STARD9: variants seen among roughly 807,000 people sequenced by gnomAD.
STARD9 encodes stAR-related lipid transfer protein 9.
STARD9 carries 346 observed loss-of-function variants against 399.8 expected under a neutral mutation model. The observed-to-expected ratio is 0.87, with a 90% confidence interval of 0.79 to 0.95. STARD9 has a LOEUF of 0.95. Ranked by LOEUF, STARD9 falls within the 40% of genes least tolerant of loss-of-function variation. The pLI, the probability that STARD9 is intolerant of heterozygous loss-of-function variation, is 0.00. For synonymous variants in STARD9, 2,203 were observed against 2,143.5 expected (o/e 1.03, Z -0.77); for missense variants, 5,832 against 5,667.5 (o/e 1.03, Z -0.93).
intron 7 of STARD9, among the ~76,000 whole-genome samples, chr15:42,650,336 A>G (rs2059734973): frequency 1.3e-5 from 2 of 152,210 alleles, no homozygotes; most frequent in Admixed American, 1.3e-4. Flanking sequence ...TCTCATACAG[A>G]GATTCTCTGG....
Position 42,694,707 on chromosome 15 carries a change from ATGT to A in STARD9, c.12948_12950del (p.Val4317del), listed in dbSNP as rs1198186759. 2.6e-6 allele frequency: 4 copies of A among 1,537,050 alleles called. No individual in the cohort carries two copies. The highest frequency in any genetic ancestry group is 3.5e-6 in the Non-Finnish European group (4 of 1,146,834). ...GAATACCTGCAGCAACTGAGGAAGG[ATGT>A]TGTGGAGACCACCAGGTAGTGTGGA... On this transcript the variant is annotated inframe_deletion, in exon 24 of 33. Transcript: ENST00000290607.
intron 26 of STARD9, among the ~76,000 whole-genome samples, chr15:42,708,455 C>A (rs1311943604): frequency 1.3e-5 from 2 of 152,218 alleles, no homozygotes; most frequent in Non-Finnish European, 2.9e-5. Flanking sequence ...AAATGGCCCA[C>A]AAAGCCTTAA....
At chr15:42,605,340 A>G (rs1030035864) in intron 3 of STARD9, among the ~76,000 whole-genome samples, 2 of 152,206 alleles carry the variant, frequency 1.3e-5, no homozygotes, top group African/African-American at 4.8e-5. Context: ...AACATGAGCT[A>G]TTTATAGACT....
chr15:42,602,166 T>C (rs1022234657), intron 3 of STARD9, among the ~76,000 whole-genome samples: 2 of 152,238 alleles, frequency 1.3e-5, no homozygotes, highest in Non-Finnish European at 2.9e-5. Context: ...TAATTTAGTG[T>C]TTGTTTCCTA....
intron 3 of STARD9, among the ~76,000 whole-genome samples, chr15:42,604,933 G>A (rs1259740326): frequency 3.3e-5 from 5 of 152,100 alleles, no homozygotes; most frequent in South Asian, 2.1e-4. Flanking sequence ...GTGAGCCATC[G>A]CGCCTGACCT....
At chr15:42,614,183 C>T (rs994793177) in intron 3 of STARD9, among the ~76,000 whole-genome samples, 22 of 151,442 alleles carry the variant, frequency 1.5e-4, no homozygotes, top group African/African-American at 4.9e-4. Flanking sequence ...TGGTGGTGGG[C>T]GCCTGTACTC....
intron 11 of STARD9, 55 bp downstream of exon 11, chr15:42,662,946 T>C (rs2060018681): frequency 7.7e-7 from 1 of 1,300,462 alleles, no homozygotes; most frequent in African/African-American, 1.5e-5. Flanking sequence ...ATAACTCATG[T>C]TTTCATTTTG....
intron 1 of STARD9, chr15:42,581,562 G>C (rs1233521145): frequency 2.9e-6 from 3 of 1,044,748 alleles, no homozygotes; most frequent in Non-Finnish European, 4.3e-6. Context: ...CCAGCTCCTA[G>C]GGCGGGTGGA....
intron 7 of STARD9, among the ~76,000 whole-genome samples, chr15:42,649,435 A>C (rs1309836901): frequency 6.6e-5 from 10 of 152,180 alleles, no homozygotes; most frequent in Admixed American, 6.6e-4. Context: ...ACCTGCTATT[A>C]AACTTTATAT....
At chr15:42,618,748 C>T (rs994684740) in intron 3 of STARD9, among the ~76,000 whole-genome samples, 1 of 151,982 alleles carries the variant, frequency 6.6e-6, no homozygotes, top group East Asian at 1.9e-4. Flanking sequence ...AGGAGTGCAC[C>T]AGCACGCCTG....
intron 2 of STARD9, 108 bp from the exon 3 acceptor site, chr15:42,585,413 T>C: frequency 1.6e-6 from 1 of 634,148 alleles, no homozygotes; most frequent in South Asian, 2.0e-5. Flanking sequence ...ATAAACAGTC[T>C]CATGACCAGT....
At chr15:42,714,429 T>A (rs1367310687) in intron 26 of STARD9, among the ~76,000 whole-genome samples, 1 of 152,244 alleles carries the variant, frequency 6.6e-6, no homozygotes, top group African/African-American at 2.4e-5. Flanking sequence ...TTTACATTAT[T>A]GAATTTGTTG....
At chr15:42,593,642 A>G (rs1316647993) in intron 3 of STARD9, among the ~76,000 whole-genome samples, 1 of 137,854 alleles carries the variant, frequency 7.3e-6, no homozygotes, top group East Asian at 2.2e-4. Context: ...TAGTAGTAAT[A>G]TGGTTGTGCT....
At chr15:42,609,354 C>CA (rs2058802564) in intron 3 of STARD9, among the ~76,000 whole-genome samples, 1 of 152,122 alleles carries the variant, frequency 6.6e-6, no homozygotes, top group Non-Finnish European at 1.5e-5. Context: ...GTCATGAACA[C>CA]ACTTCTGCAG....
In STARD9 at chr15:42,717,768, T is replaced by C; in HGVS notation, c.13532T>C (p.Phe4511Ser). ...AACSDNLHNLFSCQATAGWNY... is the reference protein window; with the variant it reads ...AACSDNLHNLSSCQATAGWNY... ...TGTTCGGATAATTTGCACAACCTCT[T>C]CAGCTGCCAGGCAACTGCTGGCTGG... Residue 4511 changes from phenylalanine (F) to serine (S), a missense_variant, in exon 29 of 33, where the codon TTC (phenylalanine) becomes TCC (serine). Transcript: ENST00000290607. 1 of 1,537,268 alleles carries C rather than the reference T, an allele frequency of 6.5e-7. No homozygotes were observed. The highest frequency in any genetic ancestry group is 8.7e-7 in the Non-Finnish European group (1 of 1,146,912).
rs1172126825 is a variant in STARD9, at chr15:42,691,118, G to T, written c.9540G>T (p.Glu3180Asp). 6.5e-7 allele frequency: 1 copy of T among 1,537,126 alleles called. No homozygotes were observed. The highest frequency in any genetic ancestry group is 8.7e-7 in the Non-Finnish European group (1 of 1,146,904). Residue 3180 changes from glutamate (E) to aspartate (D), a missense_variant, in exon 23 of 33, where the codon GAG (glutamate) becomes GAT (aspartate). This residue lies in a region of STARD9 where 5,828 missense variants were observed against 5,651.1 expected (regional missense o/e 1.03). Coordinates refer to ENST00000290607, the MANE Select transcript of STARD9 (RefSeq NM_020759.3). ...TGGAAAAGCCACAATTTTCCACTGA[G>T]TTGAGGGATCACAATCGCTTGGATT... ...CFLEKPQFST[E>D]LRDHNRLDSQ... is the part of the protein sequence containing the mutation.
In STARD9 at chr15:42,690,791, C is replaced by T. The variant is rs1264573449; in HGVS notation, c.9213C>T (p.Ser3071=). 3 of 1,537,212 alleles carry T rather than the reference C, an allele frequency of 2.0e-6. No homozygotes were observed. The highest frequency in any genetic ancestry group is 3.9e-5 in the Admixed American group (2 of 51,004). The change falls in exon 23 of 33, where the codon AGC becomes AGT. Residue 3071 remains serine, a synonymous_variant. Transcript: ENST00000290607. ...CTGACGTGAGGACAGGTTCCTTCAG[C>T]CACTCAGCTACTGATGGAAGCGTGG... ...SAPDVRTGSF[S]HSATDGSVGL...
Position 42,687,831 on chromosome 15 carries a change from G to T in STARD9, c.6253G>T (p.Val2085Leu). The T allele has an allele frequency of 6.5e-7, 1 of 1,537,416 alleles. No individual in the cohort carries two copies. Among genetic ancestry groups the T allele is most frequent in the Non-Finnish European group, 8.7e-7 (1 of 1,147,002 alleles). The stretch of plus-strand genomic sequence containing the variant: ...CACACCAGGAACCGATAAGGAGTTG[G>T]TGTTCCAGGACCAGAAGGAGCAGGA... ...SHTPGTDKEL[V>L]FQDQKEQEKT... The change falls in exon 23 of 33, where the codon GTG becomes TTG. Residue 2085 changes from valine (V) to leucine (L), a missense_variant. Physicochemically the swap from Val to Leu is conservative, Grantham distance 32. This residue lies in a region of STARD9 where 5,828 missense variants were observed against 5,651.1 expected (regional missense o/e 1.03). Coordinates refer to ENST00000290607, the MANE Select transcript of STARD9 (RefSeq NM_020759.3).
intron 9 of STARD9, among the ~76,000 whole-genome samples, chr15:42,656,870 G>T (rs956358740): frequency 2.6e-5 from 4 of 152,108 alleles, no homozygotes; most frequent in African/African-American, 9.7e-5. Context: ...GTGGGAAAGG[G>T]GGGTGAGGGA....
Sources: allele counts gnomAD v4.1 joint callset (sites outside exome capture counted in the v4.1 genomes callset), GRCh38; gene constraint gnomAD v4.1.1; regional missense constraint gnomAD v4.1.1; transcripts MANE v1.5; gene names NCBI Gene and HGNC (gene_info 2026-07-23, HGNC 2026-07-21).